The following MVB12B variants were observed in gnomAD, a reference collection of about 807,000 sequenced individuals.
MVB12B encodes the protein ESCRT-I complex subunit MVB12B.
MVB12B carries 16 observed loss-of-function variants against 41.6 expected under a neutral mutation model. The observed-to-expected ratio is 0.38, with a 90% confidence interval of 0.26 to 0.58. MVB12B has a LOEUF of 0.58. Among genes scored for constraint, MVB12B ranks in the 20% least tolerant of loss-of-function variants. MVB12B has a pLI of 0.62. For synonymous variants in MVB12B, 133 were observed against 139.7 expected (o/e 0.95, Z 0.34); for missense variants, 274 against 380.2 (o/e 0.72, Z 2.32).
chr9:126,486,974 G>A lies in MVB12B; in HGVS notation c.873+2942G>A, dbSNP rs566059617. Among the ~76,000 whole-genome samples the A allele has an allele frequency of 2.6e-5, 4 of 151,858 alleles. No individual in the cohort carries two copies. Among genetic ancestry groups the A allele is most frequent in the Non-Finnish European group, 4.4e-5 (3 of 67,976 alleles). Reference sequence around the variant, plus strand: ...GTCCAGGGCGGGTGGTGGGAACCCTGCAAACCTTATTCTCTTCCCCACTCT... The same window carrying A: ...GTCCAGGGCGGGTGGTGGGAACCCTACAAACCTTATTCTCTTCCCCACTCT... On this transcript the variant is annotated intron_variant, in intron 9 of 9. Transcript: ENST00000361171. This position sits in a 1 kb window ranked among gnomAD's most constrained non-coding sequence, Gnocchi z 4.7.
At chr9:126,453,425 C>A (rs2119163727) in intron 7 of MVB12B, among the ~76,000 whole-genome samples, 1 of 152,256 alleles carries the variant, frequency 6.6e-6, no homozygotes, top group African/African-American at 2.4e-5. Context: ...TGCTGTTTGC[C>A]CCTTCTCCCT....
intron 2 of MVB12B, among the ~76,000 whole-genome samples, chr9:126,355,079 T>G (rs1316080064): frequency 6.6e-6 from 1 of 152,174 alleles, no homozygotes; most frequent in Non-Finnish European, 1.5e-5. Context: ...ATGCTAGAGG[T>G]CTTTGCATAT....
chr9:126,394,619 C>T (rs1831050981), intron 5 of MVB12B, among the ~76,000 whole-genome samples: 1 of 152,190 alleles, frequency 6.6e-6, no homozygotes, highest in South Asian at 2.1e-4. Flanking sequence ...ATAGAAACCT[C>T]ACATTGCAAA....
At chr9:126,413,818 T>TTGTGTGTG (rs34089808) in intron 6 of MVB12B, among the ~76,000 whole-genome samples, 3,595 of 109,422 alleles carry the variant, frequency 0.033, 55 homozygotes, top group Middle Eastern at 0.057. Context: ...ACCCCATTGG[T>TTGTGTGTG]TGTGTGTGTG....
At chr9:126,383,844 G>A (rs555423430) in intron 3 of MVB12B, among the ~76,000 whole-genome samples, 2 of 151,922 alleles carry the variant, frequency 1.3e-5, no homozygotes, top group African/African-American at 4.8e-5. Context: ...TGCATGCAAG[G>A]GTTTTTTGAT....
intron 6 of MVB12B, among the ~76,000 whole-genome samples, chr9:126,409,603 A>T (rs1370794914): frequency 6.6e-6 from 1 of 152,060 alleles, no homozygotes. Context: ...ATCCCCTTAG[A>T]CCTTTCCTTT....
intron 7 of MVB12B, among the ~76,000 whole-genome samples, chr9:126,476,838 C>T (rs1833430818): frequency 7.3e-6 from 1 of 137,514 alleles, no homozygotes; most frequent in Non-Finnish European, 1.5e-5. Context: ...GATTGCGCCA[C>T]TGCACTCCAG....
intron 2 of MVB12B, among the ~76,000 whole-genome samples, chr9:126,355,890 A>G (rs1360412729): frequency 6.6e-6 from 1 of 152,146 alleles, no homozygotes; most frequent in Non-Finnish European, 1.5e-5. Flanking sequence ...TAGTTCCAAA[A>G]CATTTTTATC....
intron 6 of MVB12B, among the ~76,000 whole-genome samples, chr9:126,404,660 G>A (rs767675253): frequency 6.6e-6 from 1 of 150,834 alleles, no homozygotes; most frequent in African/African-American, 2.4e-5. Context: ...TTAGGGAGAC[G>A]TGTGAACTTT....
chr9:126,363,452 C>T (rs895509555), intron 2 of MVB12B, among the ~76,000 whole-genome samples: 2 of 152,156 alleles, frequency 1.3e-5, no homozygotes, highest in Non-Finnish European at 2.9e-5. Context: ...ACGTTGACTC[C>T]GTTCTCCACG....
At chr9:126,397,432 A>G (rs920385680) in intron 6 of MVB12B, 1 of 985,286 alleles carries the variant, frequency 1.0e-6, no homozygotes, top group African/African-American at 1.7e-5. Context: ...AGGCTTATGT[A>G]TTTTATCACC....
intron 6 of MVB12B, among the ~76,000 whole-genome samples, chr9:126,411,109 G>A (rs1459753206): frequency 1.3e-5 from 2 of 152,024 alleles, no homozygotes; most frequent in Admixed American, 6.6e-5. Context: ...GGCTGGTCTT[G>A]AACTCCTGAC....
chr9:126,340,446 T>G lies in MVB12B; in HGVS notation c.82-62T>G, dbSNP rs1829413092. The G allele has an allele frequency of 6.3e-7, 1 of 1,594,372 alleles. No homozygotes were observed. Among genetic ancestry groups the G allele is most frequent in the Admixed American group, 1.7e-5 (1 of 59,154 alleles). ...AAGATTCTGGTTCTGTTTGAGACTT[T>G]ATATTATTCACATAAATGCTATGTT... On this transcript the variant is annotated intron_variant, in intron 1 of 9. Coordinates refer to ENST00000361171, the MANE Select transcript of MVB12B (RefSeq NM_033446.3). This position sits in a 1 kb window ranked among gnomAD's most constrained non-coding sequence, Gnocchi z 4.0.
chr9:126,481,707 G>A (rs996987357), intron 8 of MVB12B, among the ~76,000 whole-genome samples: 1 of 152,190 alleles, frequency 6.6e-6, no homozygotes, highest in Non-Finnish European at 1.5e-5. Flanking sequence ...ACAGCTGGGG[G>A]ATGGGAAAGT....
At chr9:126,387,941 C>T (rs79877627) in intron 4 of MVB12B, among the ~76,000 whole-genome samples, 7,839 of 152,288 alleles carry the variant, frequency 0.051, 223 homozygotes, top group Middle Eastern at 0.078. Context: ...CTTTTAACCA[C>T]GGCGGCACAC....
At chr9:126,460,538 A>G (rs1833068076) in intron 7 of MVB12B, among the ~76,000 whole-genome samples, 1 of 152,052 alleles carries the variant, frequency 6.6e-6, no homozygotes, top group South Asian at 2.1e-4. Context: ...TTCTTTCTCT[A>G]TCCCCTGTGT....
intron 7 of MVB12B, among the ~76,000 whole-genome samples, chr9:126,461,565 T>C (rs1833090228): frequency 6.6e-6 from 1 of 152,164 alleles, no homozygotes; most frequent in South Asian, 2.1e-4. Flanking sequence ...GACAGCAATA[T>C]CTTTAACGTT....
At chr9:126,479,537 C>T (rs1031505847) in intron 7 of MVB12B, among the ~76,000 whole-genome samples, 3 of 152,222 alleles carry the variant, frequency 2.0e-5, no homozygotes, top group Non-Finnish European at 4.4e-5. Context: ...AAATGCGGGA[C>T]GTACTGAGTG....
chr9:126,334,594 G>A (rs1298005825), intron 1 of MVB12B, among the ~76,000 whole-genome samples: 2 of 152,208 alleles, frequency 1.3e-5, no homozygotes, highest in African/African-American at 4.8e-5. Flanking sequence ...AGGAACCATT[G>A]CTTTTGGGGC....
Sources: allele counts gnomAD v4.1 joint callset (sites outside exome capture counted in the v4.1 genomes callset), GRCh38; gene constraint gnomAD v4.1.1; non-coding constraint Gnocchi (gnomAD v3.1); transcripts MANE v1.5; gene names NCBI Gene and HGNC (gene_info 2026-07-23, HGNC 2026-07-21).